PFKFB3: variants seen among roughly 807,000 people sequenced by gnomAD.
The protein encoded by PFKFB3 is 6-phosphofructo-2-kinase/fructose-2,6-biphosphatase 3.
A neutral mutation model predicts 68.0 loss-of-function variants in PFKFB3; 33 were observed. The observed-to-expected ratio is 0.49, with a 90% CI of 0.37 to 0.65. The LOEUF (loss-of-function observed/expected upper bound fraction) is 0.65. Among genes scored for constraint, PFKFB3 ranks in the 30% least tolerant of loss-of-function variants. The pLI is 0.00. For missense variants in PFKFB3, 586 were observed against 712.2 expected, an observed-to-expected ratio of 0.82 and a Z score of 2.02; for synonymous variants, 315 against 288.2, an observed-to-expected ratio of 1.09 and a Z score of -0.94.
the PFKFB3 span, among the ~76,000 whole-genome samples, chr10:6,292,520 A>C: frequency 0.016 from 2,480 of 150,714 alleles, 67 homozygotes; most frequent in African/African-American, 0.057. Flanking sequence ...CGATCTCCTG[A>C]CCTCGTGATC....
chr10:6,244,889 T>C (rs1226624240), intron 14 of PFKFB3, among the ~76,000 whole-genome samples: 4 of 152,166 alleles, frequency 2.6e-5, no homozygotes, highest in African/African-American at 7.2e-5. Flanking sequence ...TTTTATAAGA[T>C]ATGAATGAAA....
chr10:6,268,882 G>A, the PFKFB3 span, among the ~76,000 whole-genome samples: 1 of 151,484 alleles, frequency 6.6e-6, no homozygotes, highest in Non-Finnish European at 1.5e-5. Context: ...AACTAGCTGG[G>A]CATGGTGGTG....
At chr10:6,290,813 T>G in the PFKFB3 span, among the ~76,000 whole-genome samples, 2 of 152,162 alleles carry the variant, frequency 1.3e-5, no homozygotes, top group Non-Finnish European at 2.9e-5. Context: ...CTGTCTTTGA[T>G]TTTCTAGATG....
At chr10:6,144,969 C>T (rs1471431822) in exon 1 of PFKFB3, 4 of 1,282,290 alleles carry the variant, frequency 3.1e-6, no homozygotes, top group Non-Finnish European at 3.9e-6. Context: ...GTGTCGCGGG[C>T]CGGCCCCGCG....
rs572428058 is a variant in PFKFB3 at position 6,195,543 on chromosome 10, C to T, written c.17-18080C>T. 1.6e-3 allele frequency among the ~76,000 whole-genome samples: 245 copies of T among 152,326 alleles called. 1 individual carries two copies. The highest frequency in any genetic ancestry group is 2.7e-3 in the Non-Finnish European group (182 of 68,032). On this transcript the variant is annotated intron_variant, in intron 1 of 14. Coordinates refer to the PFKFB3 transcript ENST00000379789. Reference sequence around the variant, plus strand: ...TGGCCATGTCTGCATGGGGTCACTGCGGCCCAGGACTCAGACTTTCCTCTA... The same window carrying T: ...TGGCCATGTCTGCATGGGGTCACTGTGGCCCAGGACTCAGACTTTCCTCTA...
At chr10:6,182,849 A>AG (rs1414073293) in intron 1 of PFKFB3, among the ~76,000 whole-genome samples, 2 of 152,196 alleles carry the variant, frequency 1.3e-5, no homozygotes, top group Non-Finnish European at 2.9e-5. Flanking sequence ...CAGAGGGCTG[A>AG]GCCTCTGCCA....
the PFKFB3 span, among the ~76,000 whole-genome samples, chr10:6,283,826 C>A: frequency 1.1e-4 from 16 of 152,162 alleles, no homozygotes; most frequent in East Asian, 1.9e-3. Context: ...GCGAACACTG[C>A]AGGCAGGATC....
chr10:6,308,648 T>TA, the PFKFB3 span, among the ~76,000 whole-genome samples: 9 of 152,050 alleles, frequency 5.9e-5, no homozygotes, highest in African/African-American at 1.7e-4. Context: ...TGTTCTCTTT[T>TA]AAAAAAAACA....
At chr10:6,230,992 A>C (rs1214685750) in intron 14 of PFKFB3, among the ~76,000 whole-genome samples, 12 of 152,092 alleles carry the variant, frequency 7.9e-5, no homozygotes. Flanking sequence ...CTGGGATTAC[A>C]GATGTGAGCC....
chr10:6,248,564 G>T (rs1846305473), intron 14 of PFKFB3, among the ~76,000 whole-genome samples: 1 of 148,158 alleles, frequency 6.7e-6, no homozygotes, highest in South Asian at 2.1e-4. Flanking sequence ...GGGAGGCAGA[G>T]GCTGCAGTGA....
At chr10:6,182,898 C>T (rs1677528261) in intron 1 of PFKFB3, among the ~76,000 whole-genome samples, 1 of 152,240 alleles carries the variant, frequency 6.6e-6, no homozygotes, top group South Asian at 2.1e-4. Flanking sequence ...AGGGTCTTCA[C>T]TTGCTTCACA....
chr10:6,302,971 A>C, the PFKFB3 span, among the ~76,000 whole-genome samples: 6 of 152,188 alleles, frequency 3.9e-5, no homozygotes, highest in Non-Finnish European at 4.4e-5. Context: ...ACGGGATGTC[A>C]TGACTCTTGT....
intron 1 of PFKFB3, among the ~76,000 whole-genome samples, chr10:6,177,415 C>CTTTCT (rs1311907121): frequency 8.3e-4 from 33 of 39,776 alleles, no homozygotes; most frequent in South Asian, 6.2e-3. Context: ...TTTCTTCTTT[C>CTTTCT]TCTTTCTTCC....
At chr10:6,173,155 T>C (rs991731890) in intron 1 of PFKFB3, among the ~76,000 whole-genome samples, 1 of 152,164 alleles carries the variant, frequency 6.6e-6, no homozygotes, top group Non-Finnish European at 1.5e-5. Context: ...CCTCACACCC[T>C]TCCTCCAGGA....
chr10:6,311,287 A>G, the PFKFB3 span, among the ~76,000 whole-genome samples: 3 of 151,954 alleles, frequency 2.0e-5, no homozygotes, highest in Non-Finnish European at 1.5e-5. Flanking sequence ...ATGCTCCCCT[A>G]TCTCCCTGCA....
rs1845911964 is a variant in PFKFB3 at position 6,234,413 on chromosome 10, A to T, written c.*1471A>T. The T allele has an allele frequency of 1.3e-5, 2 of 152,262 alleles. No individual in the cohort carries two copies. The highest frequency in any genetic ancestry group is 6.6e-5 in the Admixed American group (1 of 15,266). The allele number at this position is 152,262 out of a possible 1,614,324, so 9.4% of individuals were successfully genotyped here. On this transcript the variant is annotated 3_prime_UTR_variant, in exon 15 of 15. Coordinates refer to ENST00000379775, the MANE Select transcript of PFKFB3 (RefSeq NM_004566.4). Reference sequence around the variant, plus strand: ...GTTTTTTGGGAAGAGCTTTTAAAGAATGCATGTTTTTTTCCTGGTTGGAAT... The same window carrying T: ...GTTTTTTGGGAAGAGCTTTTAAAGATTGCATGTTTTTTTCCTGGTTGGAAT...
At chr10:6,210,049 G>GTGTGCCCCTCTCTTGTTCTGCAGT (rs1204853552) in intron 1 of PFKFB3, among the ~76,000 whole-genome samples, 3 of 123,652 alleles carry the variant, frequency 2.4e-5, no homozygotes, top group East Asian at 2.2e-4. Context: ...ACCGTGCCCG[G>GTGTGCCCCTCTCTTGTTCTGCAGT]CCTAATACTT....
chr10:6,173,078 ACTCT>A (rs1259021717), intron 1 of PFKFB3, among the ~76,000 whole-genome samples: 3 of 151,484 alleles, frequency 2.0e-5, no homozygotes, highest in African/African-American at 7.3e-5. Context: ...TGGGACGTCC[ACTCT>A]CTCTCAGTTC....
At chr10:6,185,548 G>A (rs1430838544) in intron 1 of PFKFB3, among the ~76,000 whole-genome samples, 1 of 151,794 alleles carries the variant, frequency 6.6e-6, no homozygotes, top group Admixed American at 6.6e-5. Flanking sequence ...GGTGCTGCTG[G>A]ACCTGTGGTC....
Sources: allele counts gnomAD v4.1 joint callset (sites outside exome capture counted in the v4.1 genomes callset), GRCh38; gene constraint gnomAD v4.1.1; transcripts MANE v1.5; gene names NCBI Gene and HGNC (gene_info 2026-07-23, HGNC 2026-07-21).